The following ACACB variants were observed in gnomAD, a reference collection of about 807,000 sequenced individuals.
ACACB encodes acetyl-CoA carboxylase 2.
In ACACB, 209 loss-of-function variants were observed where a neutral mutation model predicts 278.8. The observed-to-expected ratio is 0.75, with a 90% CI of 0.67 to 0.84. The LOEUF (loss-of-function observed/expected upper bound fraction) is 0.84, where lower values mean the gene tolerates loss of function less well. Ranked by LOEUF, ACACB falls within the 40% of genes least tolerant of loss-of-function variation. The pLI, the probability that ACACB is intolerant of heterozygous loss-of-function variation, is 0.00. For synonymous variants in ACACB, 1,174 were observed against 1,285.6 expected, an observed-to-expected ratio of 0.91 and a Z score of 1.86; for missense variants, 2,850 against 3,269.0, an observed-to-expected ratio of 0.87 and a Z score of 3.13.
intron 1 of ACACB, among the ~76,000 whole-genome samples, chr12:109,123,716 C>A (rs1240092677): frequency 1.6e-5 from 2 of 128,506 alleles, no homozygotes; most frequent in Non-Finnish European, 3.3e-5. Context: ...GAGACAGGGT[C>A]TCACTCTGTC....
chr12:109,206,967 CTG>C lies in ACACB; in HGVS notation c.3060+113_3060+114del, dbSNP rs1347235599. On this transcript the variant is annotated intron_variant, in intron 20 of 52. Transcript: ENST00000338432. ...AAGAAATGAGAAAATGGTCGGTCCTCTGTTGTTTTTATTTTATTTATTTTATT... is the reference window on the plus strand; with the variant it reads ...AAGAAATGAGAAAATGGTCGGTCCTCTTGTTTTTATTTTATTTATTTTATT... 2.4e-6 allele frequency: 3 copies of C among 1,269,488 alleles called. No individual in the cohort carries two copies. The African/African-American group carries it at 4.5e-5, about 19-fold the overall frequency. 78.6% of individuals were successfully genotyped at this position (1,269,488 alleles called of 1,614,324 possible). A position where few individuals can be genotyped will look rare whatever the true frequency, so the allele number is the denominator to read the frequency against.
chr12:109,243,335 A>G (rs2046852089), intron 37 of ACACB, among the ~76,000 whole-genome samples: 2 of 152,194 alleles, frequency 1.3e-5, no homozygotes, highest in Admixed American at 1.3e-4. Context: ...ACAGTGGCTC[A>G]CGCCTGTAAT....
At chr12:109,142,725 C>A (rs2043150334) in intron 2 of ACACB, among the ~76,000 whole-genome samples, 1 of 152,084 alleles carries the variant, frequency 6.6e-6, no homozygotes, top group Non-Finnish European at 1.5e-5. Context: ...TGCCACCACA[C>A]CTGGCTAATT....
chr12:109,267,232 G>A lies in ACACB; in HGVS notation c.*870G>A, dbSNP rs145736370. The A allele has an allele frequency of 9.2e-5, 14 of 152,238 alleles. No individual in the cohort carries two copies. Among genetic ancestry groups the A allele is most frequent in the African/African-American group, 2.4e-4 (10 of 41,542 alleles). The allele number at this position is 152,238 out of a possible 1,614,324, so 9.4% of individuals were successfully genotyped here. On this transcript the variant is annotated 3_prime_UTR_variant, in exon 53 of 53. Transcript: ENST00000338432. ...AATGCTATTTTGTTCCCCAAATGGC[G>A]CTAGTGAATCACTAGGAGGGTCCCA...
intron 9 of ACACB, among the ~76,000 whole-genome samples, chr12:109,178,729 T>C (rs2044357753): frequency 6.6e-6 from 1 of 152,074 alleles, no homozygotes. Context: ...CAGAGAAGGA[T>C]CTGTCTGCAA....
Position 109,237,166 on chromosome 12 carries a change from T to G in ACACB, c.4448T>G (p.Phe1483Cys). Residue 1483 changes from phenylalanine (F) to cysteine (C), a missense_variant and splice_region_variant, in exon 34 of 53, where the codon TTT becomes TGT. Transcript: ENST00000338432. The stretch of plus-strand genomic sequence containing the variant: ...CTTCTCTCTCTGGTCCGCCTACAGT[T>G]TGCAGAAGATCGCATTTACCGTCAC... ...KFFTFRARDE[F>C]AEDRIYRHLE... is the part of the protein sequence containing the mutation. 3.1e-6 allele frequency: 5 copies of G among 1,614,176 alleles called. No individual in the cohort carries two copies. The highest frequency in any genetic ancestry group is 3.4e-6 in the Non-Finnish European group (4 of 1,180,024).
intron 48 of ACACB, among the ~76,000 whole-genome samples, chr12:109,261,477 C>T (rs2047374484): frequency 1.3e-5 from 2 of 152,176 alleles, no homozygotes; most frequent in South Asian, 4.1e-4. Context: ...ACTTTTCATG[C>T]TGGCCACCAG....
chr12:109,132,973 C>A lies in ACACB; in HGVS notation c.-9-6424C>A, dbSNP rs554002510. 3.9e-5 allele frequency among the ~76,000 whole-genome samples: 6 copies of A among 152,256 alleles called. No homozygotes were observed. The East Asian group carries it at 9.7e-4, about 25-fold the overall frequency. On this transcript the variant is annotated intron_variant, in intron 1 of 52. Transcript: ENST00000338432. ...TGCCATCCCTCTATCACCTGCCGTGCGTGTGTCTAACCATCTTGCCCATTG... is the reference window on the plus strand; with the variant it reads ...TGCCATCCCTCTATCACCTGCCGTGAGTGTGTCTAACCATCTTGCCCATTG...
intron 7 of ACACB, among the ~76,000 whole-genome samples, chr12:109,174,655 G>GATCACTTGA (rs2044226550): frequency 6.6e-6 from 1 of 151,500 alleles, no homozygotes; most frequent in African/African-American, 2.4e-5. Context: ...TTGAAGCCAG[G>GATCACTTGA]AGTTCAAGAC....
chr12:109,226,129 G>T (rs1290668867), intron 27 of ACACB, among the ~76,000 whole-genome samples: 1 of 151,924 alleles, frequency 6.6e-6, no homozygotes, highest in Non-Finnish European at 1.5e-5. Context: ...AAAAAAATTA[G>T]CCAGGTGTGG....
chr12:109,162,868 C>T lies in ACACB; in HGVS notation c.654-3993C>T, dbSNP rs916773363. Among the ~76,000 whole-genome samples the T allele has an allele frequency of 4.0e-4, 61 of 152,308 alleles. 1 individual carries two copies. The highest frequency in any genetic ancestry group is 6.8e-3 in the Middle Eastern group (2 of 294). ...ACCACAGTCTCAGAAATTCTGTTCT[C>T]ACTCATAGTCACAAGGTTGGAACCA... On this transcript the variant is annotated intron_variant, in intron 2 of 52. Coordinates refer to ENST00000338432, the MANE Select transcript of ACACB (RefSeq NM_001093.4).
At position 109,228,551 on chromosome 12, in the gene ACACB, C is replaced by T. The variant is rs543640160; in HGVS notation, c.4001+1062C>T. ...CACACCCCTGTAATCCCAGGTTACT[C>T]GGGAGGCTGAGGGATGAGAATCTCT... On this transcript the variant is annotated intron_variant, in intron 28 of 52. Transcript: ENST00000338432. 4.7e-5 allele frequency among the ~76,000 whole-genome samples: 7 copies of T among 147,556 alleles called. No individual in the cohort carries two copies. In the South Asian group the frequency reaches 6.5e-4, roughly 14 times the overall value.
At chr12:109,151,204 T>G (rs1457061021) in intron 2 of ACACB, among the ~76,000 whole-genome samples, 1 of 152,082 alleles carries the variant, frequency 6.6e-6, no homozygotes, top group African/African-American at 2.4e-5. Context: ...AGGCTGGTCT[T>G]GAACTCCTGA....
intron 22 of ACACB, among the ~76,000 whole-genome samples, chr12:109,213,169 T>C (rs577019287): frequency 1.7e-4 from 26 of 152,346 alleles, no homozygotes; most frequent in Admixed American, 1.3e-3. Context: ...GTTCAAGCAA[T>C]TCTCCTGCCT....
In ACACB at chr12:109,172,376, G is replaced by A; in HGVS notation, c.1117+20G>A. On this transcript the variant is annotated intron_variant, in intron 6 of 52. Transcript: ENST00000338432. ...TCTTAGGTAGAGTGTGTCCCCATCA[G>A]ATACATGGGAATTGGGGTATTGCTG... 6.2e-7 allele frequency: 1 copy of A among 1,610,496 alleles called. No individual in the cohort carries two copies. The highest frequency in any genetic ancestry group is 8.5e-7 in the Non-Finnish European group (1 of 1,176,858).
chr12:109,149,318 A>G (rs1565864172), intron 2 of ACACB, among the ~76,000 whole-genome samples: 1 of 151,902 alleles, frequency 6.6e-6, no homozygotes, highest in Non-Finnish European at 1.5e-5. Flanking sequence ...GACATCATCT[A>G]CCTTCTCAGG....
intron 1 of ACACB, among the ~76,000 whole-genome samples, chr12:109,136,483 C>T (rs140241679): frequency 6.6e-6 from 1 of 152,184 alleles, no homozygotes; most frequent in East Asian, 1.9e-4. Flanking sequence ...GCAGGTCTTT[C>T]ACTTCTTTGG....
At chr12:109,199,603 TTCTGGCTTTGTCCCATG>T in intron 18 of ACACB, 51 bp downstream of exon 18, 1 of 1,364,730 alleles carries the variant, frequency 7.3e-7, no homozygotes, top group Non-Finnish European at 9.5e-7. Context: ...ACTCCCACTC[TTCTGGCTTTGTCCCATG>T]TCTGAACAAA....
At chr12:109,210,341 GCACA>G (rs1174012373) in intron 21 of ACACB, among the ~76,000 whole-genome samples, 1 of 13,344 alleles carries the variant, frequency 7.5e-5, no homozygotes, top group Non-Finnish European at 2.0e-4. Context: ...GTATATACAC[GCACA>G]CACATATCTG....
Sources: allele counts gnomAD v4.1 joint callset (sites outside exome capture counted in the v4.1 genomes callset), GRCh38; gene constraint gnomAD v4.1.1; transcripts MANE v1.5; gene names NCBI Gene and HGNC (gene_info 2026-07-23, HGNC 2026-07-21).